The following UBE2G1 variants were observed in gnomAD, a reference collection of about 807,000 sequenced individuals.
UBE2G1 encodes the protein ubiquitin conjugating enzyme E2 G1.
Under a neutral mutation model 22.7 loss-of-function variants are expected in UBE2G1, and 5 were observed. That is an observed-to-expected ratio of 0.22 (90% CI 0.12 to 0.46). The LOEUF (loss-of-function observed/expected upper bound fraction) is 0.46, where lower values mean the gene tolerates loss of function less well. UBE2G1 is among the 20% of genes least tolerant of loss of function. The pLI, the probability that UBE2G1 is intolerant of heterozygous loss-of-function variation, is 0.99. For missense variants in UBE2G1, 88 were observed against 203.9 expected, an observed-to-expected ratio of 0.43 and a Z score of 3.46; for synonymous variants, 74 against 67.5, an observed-to-expected ratio of 1.10 and a Z score of -0.47.
rs1969719695 is a variant in UBE2G1, at chr17:4,342,184, T to C, written c.46+24087A>G. ...TCTAATAGACAAATCAAAAGTAGCA[T>C]ATTCAAAACCAAGCCCCTGATTATC... On this transcript the variant is annotated intron_variant, in intron 1 of 5. Coordinates refer to ENST00000396981, the MANE Select transcript of UBE2G1 (RefSeq NM_003342.5). Among the ~76,000 whole-genome samples, 4 of 152,230 alleles carry C rather than the reference T, an allele frequency of 2.6e-5. No individual in the cohort carries two copies. In the South Asian group the frequency reaches 8.3e-4, roughly 31 times the overall value.
intron 1 of UBE2G1, among the ~76,000 whole-genome samples, chr17:4,319,379 A>G (rs900829957): frequency 1.1e-4 from 17 of 152,188 alleles, no homozygotes; most frequent in Non-Finnish European, 5.9e-5. Flanking sequence ...CACAATACTC[A>G]TTGTAGGTAA....
At chr17:4,334,884 G>GA (rs1969626179) in intron 1 of UBE2G1, among the ~76,000 whole-genome samples, 1 of 152,048 alleles carries the variant, frequency 6.6e-6, no homozygotes, top group African/African-American at 2.4e-5. Context: ...GAGACAAGTT[G>GA]AAAGAGCAAC....
chr17:4,313,131 G>C (rs1969330328), intron 1 of UBE2G1, among the ~76,000 whole-genome samples: 1 of 152,164 alleles, frequency 6.6e-6, no homozygotes, highest in Non-Finnish European at 1.5e-5. Flanking sequence ...ACAGATTACA[G>C]ATATAAACAA....
intron 1 of UBE2G1, among the ~76,000 whole-genome samples, chr17:4,364,997 CTGCT>C (rs1419734974): frequency 6.6e-6 from 1 of 152,252 alleles, no homozygotes; most frequent in Non-Finnish European, 1.5e-5. Context: ...TTGTCCAAAC[CTGCT>C]TGCTCATGGT....
chr17:4,346,483 G>A (rs375344915), intron 1 of UBE2G1, among the ~76,000 whole-genome samples: 1 of 145,574 alleles, frequency 6.9e-6, no homozygotes, highest in Non-Finnish European at 1.5e-5. Context: ...TGCCCAGGCT[G>A]GAGTGCAGTG....
At chr17:4,322,488 A>G (rs1011971415) in intron 1 of UBE2G1, among the ~76,000 whole-genome samples, 1 of 152,234 alleles carries the variant, frequency 6.6e-6, no homozygotes, top group Non-Finnish European at 1.5e-5. Context: ...TTATAATCAC[A>G]TTAGCAAAAG....
intron 2 of UBE2G1, among the ~76,000 whole-genome samples, chr17:4,297,463 C>T (rs551657318): frequency 6.6e-6 from 1 of 152,284 alleles, no homozygotes; most frequent in South Asian, 2.1e-4. Flanking sequence ...CCACCAACCA[C>T]TTGAAATATG....
At chr17:4,355,407 G>C (rs1167501391) in intron 1 of UBE2G1, among the ~76,000 whole-genome samples, 8 of 150,770 alleles carry the variant, frequency 5.3e-5, no homozygotes, top group African/African-American at 1.9e-4. Context: ...TTGGGAGGCC[G>C]AGGCGGGTGT....
chr17:4,310,643 C>T (rs1020985333), intron 1 of UBE2G1, among the ~76,000 whole-genome samples: 1 of 152,084 alleles, frequency 6.6e-6, no homozygotes, highest in Non-Finnish European at 1.5e-5. Context: ...AATGATAAGC[C>T]TTTGAAGGGT....
chr17:4,282,649 A>G (rs550352197), intron 5 of UBE2G1, 149 bp downstream of exon 5: 1 of 561,766 alleles, frequency 1.8e-6, no homozygotes, highest in Admixed American at 3.2e-5. Flanking sequence ...CAGATTATAC[A>G]GTAGTTTTGA....
chr17:4,290,848 T>C (rs1048747605), intron 3 of UBE2G1, among the ~76,000 whole-genome samples: 4 of 150,168 alleles, frequency 2.7e-5, no homozygotes, highest in Non-Finnish European at 5.9e-5. Context: ...CAAACTGGGA[T>C]TACAGGAAAC....
chr17:4,324,388 T>A (rs575869257), intron 1 of UBE2G1, among the ~76,000 whole-genome samples: 1 of 152,196 alleles, frequency 6.6e-6, no homozygotes, highest in South Asian at 2.1e-4. Context: ...GCTGATTCCA[T>A]CTTGAAATTA....
intron 1 of UBE2G1, among the ~76,000 whole-genome samples, chr17:4,353,564 T>C (rs774730505): frequency 2.0e-5 from 3 of 151,620 alleles, no homozygotes; most frequent in Admixed American, 6.6e-5. Flanking sequence ...AGTGGCGATC[T>C]TGGCTCACTG....
At chr17:4,304,564 C>CGGTA (rs1555520904) in intron 2 of UBE2G1, among the ~76,000 whole-genome samples, 1 of 37,232 alleles carries the variant, frequency 2.7e-5, no homozygotes, top group Admixed American at 3.5e-4. Flanking sequence ...AATCCTTGAA[C>CGGTA]GGTACCGGTT....
intron 2 of UBE2G1, among the ~76,000 whole-genome samples, chr17:4,306,185 C>T (rs939829704): frequency 2.6e-5 from 4 of 152,174 alleles, no homozygotes; most frequent in African/African-American, 7.2e-5. Flanking sequence ...TGAAAAGAGA[C>T]GATCTTGAAA....
intron 1 of UBE2G1, among the ~76,000 whole-genome samples, chr17:4,341,423 C>T (rs1969710920): frequency 6.6e-6 from 1 of 152,140 alleles, no homozygotes; most frequent in Admixed American, 6.6e-5. Flanking sequence ...GGCTTCCAAA[C>T]TGGCCAGTAA....
chr17:4,365,548 G>C (rs1212615499), intron 1 of UBE2G1, among the ~76,000 whole-genome samples: 1 of 152,098 alleles, frequency 6.6e-6, no homozygotes, highest in East Asian at 1.9e-4. Context: ...GCAGCAGCCG[G>C]AATCGCGGCG....
At chr17:4,339,797 C>T (rs1050765088) in intron 1 of UBE2G1, among the ~76,000 whole-genome samples, 6 of 151,626 alleles carry the variant, frequency 4.0e-5, no homozygotes, top group African/African-American at 1.5e-4. Flanking sequence ...TGCGGTGAGC[C>T]GAGATCATGC....
At chr17:4,273,795 G>C (rs1968788508) in intron 5 of UBE2G1, among the ~76,000 whole-genome samples, 1 of 152,116 alleles carries the variant, frequency 6.6e-6, no homozygotes, top group Admixed American at 6.6e-5. Context: ...GTGTTCCAAA[G>C]AACTCAGAAA....
Sources: gnomAD v4.1 joint callset for allele counts (sites outside exome capture counted in the v4.1 genomes callset) on GRCh38, gnomAD v4.1.1 for gene constraint, MANE v1.5 for transcripts, NCBI Gene and HGNC (gene_info 2026-07-23, HGNC 2026-07-21) for gene names.